PCDHA5: variants seen among roughly 807,000 people sequenced by gnomAD.
PCDHA5 encodes protocadherin alpha 5.
A neutral mutation model predicts 61.6 loss-of-function variants in PCDHA5; 43 were observed. The ratio of observed to expected loss-of-function variants is 0.70; its 90% CI spans 0.55 to 0.90. PCDHA5 has a LOEUF of 0.90. Ranked by LOEUF, PCDHA5 falls within the 40% of genes least tolerant of loss-of-function variation. The pLI is 0.00. For synonymous variants in PCDHA5, 627 were observed against 543.9 expected (o/e 1.15, Z -2.13); for missense variants, 1,298 against 1,222.7 (o/e 1.06, Z -0.92).
intron 1 of PCDHA5, chr5:140,867,112 T>C (rs1446733026): frequency 6.6e-6 from 1 of 152,146 alleles, no homozygotes; most frequent in Non-Finnish European, 1.5e-5. Flanking sequence ...AATTAACATA[T>C]TGTTTTAATT....
chr5:140,966,385 G>C (rs1486179807), intron 1 of PCDHA5: 1 of 405,050 alleles, frequency 2.5e-6, no homozygotes, highest in East Asian at 3.6e-5. Flanking sequence ...CGGGTTCGCT[G>C]TCCGCCACTT....
intron 1 of PCDHA5, chr5:140,841,073 G>A: frequency 2.0e-6 from 1 of 498,500 alleles, no homozygotes; most frequent in East Asian, 3.4e-5. Context: ...TAAAGAAATA[G>A]AAAGTGCATA....
intron 1 of PCDHA5, chr5:140,870,602 A>G: frequency 6.2e-7 from 1 of 1,613,246 alleles, no homozygotes; most frequent in Non-Finnish European, 8.5e-7. Flanking sequence ...CGGTTGGGCG[A>G]CCGCGCGCTG....
chr5:140,822,290 A>T lies in PCDHA5; in HGVS notation c.515A>T (p.Asn172Ile). The T allele has an allele frequency of 6.2e-7, 1 of 1,614,256 alleles. No homozygotes were observed. Among genetic ancestry groups the T allele is most frequent in the Non-Finnish European group, 8.5e-7 (1 of 1,180,040 alleles). Residue 172 changes from asparagine (N) to isoleucine (I), a missense_variant, in exon 1 of 4, where the codon AAT becomes ATT. Coordinates refer to ENST00000529859, the MANE Select transcript of PCDHA5 (RefSeq NM_018908.3). Reference sequence around the variant, plus strand: ...AATGCACAATTGAGATACAGGTTAAATCCAAACGAATATTTTGACTTAGAT... The same window carrying T: ...AATGCACAATTGAGATACAGGTTAATTCCAAACGAATATTTTGACTTAGAT... ...GANAQLRYRL[N>I]PNEYFDLDVK... is the part of the protein sequence containing the mutation.
chr5:140,945,183 A>G (rs1445694327), intron 1 of PCDHA5, among the ~76,000 whole-genome samples: 6 of 152,160 alleles, frequency 3.9e-5, no homozygotes, highest in Admixed American at 2.6e-4. Context: ...TAAATCAAGA[A>G]AACCATGCTA....
chr5:140,825,986 T>C (rs1768779774), intron 1 of PCDHA5: 1 of 152,306 alleles, frequency 6.6e-6, no homozygotes, highest in Non-Finnish European at 1.5e-5. Context: ...TATGGATTTA[T>C]AGGTAGTAAA....
intron 1 of PCDHA5, chr5:140,856,708 A>G: frequency 6.3e-7 from 1 of 1,596,690 alleles, no homozygotes; most frequent in South Asian, 1.1e-5. Context: ...GCAAACCTGA[A>G]TTTACCGGAT....
At chr5:140,989,060 G>A (rs1233023153) in intron 3 of PCDHA5, 1 of 152,138 alleles carries the variant, frequency 6.6e-6, no homozygotes, top group Non-Finnish European at 1.5e-5. Context: ...CTACATTGAG[G>A]CAATACAGTC....
Position 140,829,171 on chromosome 5 carries a change from T to A in PCDHA5, c.2352+5044T>A, listed in dbSNP as rs1455829828. 14 of 1,614,036 alleles carry A rather than the reference T, an allele frequency of 8.7e-6. No individual in the cohort carries two copies. In the African/African-American group the frequency reaches 1.9e-4, roughly 22 times the overall value. ...TGACTTCCTTATCCTTGCCTGTACGTGAAGACGCTCAATTTGGTACTGTCA... is the reference window on the plus strand; with the variant it reads ...TGACTTCCTTATCCTTGCCTGTACGAGAAGACGCTCAATTTGGTACTGTCA... On this transcript the variant is annotated intron_variant, in intron 1 of 3. Coordinates refer to ENST00000529859, the MANE Select transcript of PCDHA5 (RefSeq NM_018908.3).
intron 1 of PCDHA5, among the ~76,000 whole-genome samples, chr5:140,937,247 C>T (rs1370735573): frequency 6.6e-6 from 1 of 151,974 alleles, no homozygotes; most frequent in Non-Finnish European, 1.5e-5. Context: ...CCGTGTTAGC[C>T]AGGATGGTCT....
At chr5:141,005,650 C>T (rs1262025643) in intron 3 of PCDHA5, among the ~76,000 whole-genome samples, 4 of 126,784 alleles carry the variant, frequency 3.2e-5, no homozygotes, top group African/African-American at 9.3e-5. Context: ...TGCAGTGAGT[C>T]GAGATCGCGC....
intron 1 of PCDHA5, chr5:140,882,798 A>AT: frequency 6.2e-7 from 1 of 1,614,236 alleles, no homozygotes; most frequent in Non-Finnish European, 8.5e-7. Flanking sequence ...CCCAACGATT[A>AT]TTTCACTTTG....
At chr5:140,850,932 C>T in intron 1 of PCDHA5, 1 of 1,514,290 alleles carries the variant, frequency 6.6e-7, no homozygotes, top group Non-Finnish European at 8.9e-7. Flanking sequence ...AATTTTTTTT[C>T]TTGAAAGATA....
intron 1 of PCDHA5, chr5:140,883,112 A>T (rs141106500): frequency 1.9e-6 from 3 of 1,614,156 alleles, no homozygotes; most frequent in Non-Finnish European, 2.5e-6. Context: ...TTACTCATTT[A>T]GAAGGCCTGT....
At chr5:140,829,429 C>T (rs1770296040) in intron 1 of PCDHA5, 2 of 1,614,010 alleles carry the variant, frequency 1.2e-6, no homozygotes, top group South Asian at 1.1e-5. Flanking sequence ...TGGAGGTGGC[C>T]GACATGAATG....
intron 1 of PCDHA5, chr5:140,830,622 C>G: frequency 1.7e-6 from 1 of 582,670 alleles, no homozygotes; most frequent in Non-Finnish European, 2.6e-6. Flanking sequence ...TATTGTGTTT[C>G]TTATTTTAAT....
chr5:140,967,023 G>A, intron 1 of PCDHA5: 1 of 1,608,160 alleles, frequency 6.2e-7, no homozygotes, highest in South Asian at 1.1e-5. Context: ...GGTGCGCCCA[G>A]TCCGCGCTAC....
chr5:140,828,805 T>C, intron 1 of PCDHA5: 7 of 1,614,212 alleles, frequency 4.3e-6, no homozygotes, highest in Non-Finnish European at 5.9e-6. Context: ...TGAATGATAA[T>C]GCTCCCACTT....
intron 1 of PCDHA5, chr5:140,863,365 G>A (rs2047972870): frequency 2.5e-6 from 3 of 1,201,540 alleles, no homozygotes; most frequent in South Asian, 2.4e-5. Flanking sequence ...GCGGTGCTTG[G>A]CGCAGCTCAC....
Sources: allele counts gnomAD v4.1 joint callset (sites outside exome capture counted in the v4.1 genomes callset), GRCh38; gene constraint gnomAD v4.1.1; transcripts MANE v1.5; gene names NCBI Gene and HGNC (gene_info 2026-07-23, HGNC 2026-07-21).